COL12A1: variants seen among roughly 807,000 people sequenced by gnomAD.
COL12A1 encodes the protein collagen alpha-1(XII) chain.
Under a neutral mutation model 349.7 loss-of-function variants are expected in COL12A1, and 114 were observed. That is an observed-to-expected ratio of 0.33 (90% CI 0.28 to 0.38). The LOEUF is 0.38. Ranked by LOEUF, COL12A1 falls within the 10% of genes least tolerant of loss-of-function variation. The pLI, the probability that COL12A1 is intolerant of heterozygous loss-of-function variation, is 1.00. For missense variants in COL12A1, 3,284 were observed against 3,756.9 expected (o/e 0.87, Z 3.29); for synonymous variants, 1,369 against 1,329.0 (o/e 1.03, Z -0.66).
intron 37 of COL12A1, among the ~76,000 whole-genome samples, chr6:75,128,841 G>A (rs1221331711): frequency 1.3e-5 from 2 of 152,170 alleles, no homozygotes; most frequent in African/African-American, 2.4e-5. Flanking sequence ...GGCACAGTGG[G>A]ACAGGTATTA....
rs766604557 is a variant in COL12A1 at position 75,085,215 on chromosome 6, G to A, written c.*1332C>T. ...TCACTGCCCGGGTCCGTGGGGCAGG[G>A]CGCGCCGCCAGCGCCGGTGGGGCTC... On this transcript the variant is annotated 3_prime_UTR_variant, in exon 66 of 66. Coordinates refer to ENST00000322507, the MANE Select transcript of COL12A1 (RefSeq NM_004370.6). 6.4e-6 allele frequency: 3 copies of A among 468,438 alleles called. No homozygotes were observed. Among genetic ancestry groups the A allele is most frequent in the Non-Finnish European group, 8.8e-6 (2 of 226,460 alleles). 29.0% of individuals were successfully genotyped at this position (468,438 alleles called of 1,614,324 possible). A position where few individuals can be genotyped will look rare whatever the true frequency, so the allele number is the denominator to read the frequency against.
In COL12A1 at chr6:75,133,351, A is replaced by C. The variant is rs372890352; in HGVS notation, c.5736T>G (p.Thr1912=). 5 of 1,612,954 alleles carry C rather than the reference A, an allele frequency of 3.1e-6. No homozygotes were observed. Among genetic ancestry groups the C allele is most frequent in the Non-Finnish European group, 4.2e-6 (5 of 1,179,430 alleles). ...NLQPDTSYTV[T]VVPVYTEGDG... The stretch of plus-strand genomic sequence containing the variant: ...CACCTTCAGTATAAACGGGAACTAC[A>C]GTCACAGTGTATGAGGTATCTGGCT... Residue 1912 remains threonine (T), a synonymous_variant, in exon 34 of 66, where the codon ACT becomes ACG. Coordinates refer to ENST00000322507, the MANE Select transcript of COL12A1 (RefSeq NM_004370.6).
chr6:75,087,803 G>A (rs2149323175), intron 64 of COL12A1, 56 bp from the exon 65 acceptor site: 5 of 1,562,134 alleles, frequency 3.2e-6, no homozygotes, highest in Non-Finnish European at 3.5e-6. Context: ...AACTCCTGAG[G>A]TAGCCACCAA....
chr6:75,179,275 G>A (rs1769137893), intron 11 of COL12A1, among the ~76,000 whole-genome samples: 1 of 152,152 alleles, frequency 6.6e-6, no homozygotes, highest in Admixed American at 6.5e-5. Flanking sequence ...AAAAACTAGA[G>A]TGTGTATGAA....
At chr6:75,114,952 G>A (rs2149360235) in intron 49 of COL12A1, among the ~76,000 whole-genome samples, 1 of 152,152 alleles carries the variant, frequency 6.6e-6, no homozygotes, top group South Asian at 2.1e-4. Flanking sequence ...TAAACACTGG[G>A]TATTACAGTT....
chr6:75,131,547 T>C (rs973343697), intron 35 of COL12A1, among the ~76,000 whole-genome samples: 1 of 152,256 alleles, frequency 6.6e-6, no homozygotes, highest in African/African-American at 2.4e-5. Context: ...ATACTATGCT[T>C]ATTGAAATTA....
At chr6:75,159,882 T>C (rs1397873381) in intron 14 of COL12A1, among the ~76,000 whole-genome samples, 1 of 152,076 alleles carries the variant, frequency 6.6e-6, no homozygotes. Context: ...CTTTAAAATG[T>C]TTCAAAATTT....
chr6:75,125,651 C>A (rs1765976608), intron 39 of COL12A1, among the ~76,000 whole-genome samples: 1 of 152,094 alleles, frequency 6.6e-6, no homozygotes, highest in African/African-American at 2.4e-5. Context: ...GAATTTCTAT[C>A]TTGGACCTCA....
At chr6:75,159,703 C>G (rs1163832548) in intron 14 of COL12A1, among the ~76,000 whole-genome samples, 1 of 151,498 alleles carries the variant, frequency 6.6e-6, no homozygotes, top group Admixed American at 6.6e-5. Context: ...CATTCTCTCT[C>G]TTACAAAATT....
Position 75,138,530 on chromosome 6 carries a change from G to A in COL12A1, c.5148C>T (p.Pro1716=). 1 of 1,613,986 alleles carries A rather than the reference G, an allele frequency of 6.2e-7. No homozygotes were observed. The stretch of plus-strand genomic sequence containing the variant: ...TAATGGAAACTTCATAGATGGTGTT[G>A]GGGTTCAGGTTTTCGAACACCAAAG... ...ENTLVFENLN[P]NTIYEVSITA... The change falls in exon 29 of 66, where the codon CCC becomes CCT. Residue 1716 remains proline, a synonymous_variant. Coordinates refer to ENST00000322507, the MANE Select transcript of COL12A1 (RefSeq NM_004370.6).
Position 75,170,822 on chromosome 6 carries a change from A to G in COL12A1, c.2710+4216T>C, listed in dbSNP as rs567326352. Among the ~76,000 whole-genome samples the G allele has an allele frequency of 2.0e-5, 3 of 152,306 alleles. No homozygotes were observed. In the East Asian group the frequency reaches 5.8e-4, roughly 29 times the overall value. Reference sequence around the variant, plus strand: ...GCCCATGTTACTCAACATCATGCAGAATTCCTGAGATGTGCTAAAAACCTC... The same window carrying G: ...GCCCATGTTACTCAACATCATGCAGGATTCCTGAGATGTGCTAAAAACCTC... On this transcript the variant is annotated intron_variant, in intron 13 of 65. Transcript: ENST00000322507.
intron 60 of COL12A1, among the ~76,000 whole-genome samples, chr6:75,094,877 T>G (rs1374686250): frequency 6.6e-6 from 1 of 152,212 alleles, no homozygotes; most frequent in Admixed American, 6.5e-5. Flanking sequence ...AATCCCATTC[T>G]CCTTTTAAAG....
chr6:75,198,908 A>G (rs1420712917), intron 2 of COL12A1, among the ~76,000 whole-genome samples: 1 of 152,222 alleles, frequency 6.6e-6, no homozygotes, highest in Admixed American at 6.5e-5. Flanking sequence ...AATAGGAGAA[A>G]TCTTGACAAG....
intron 4 of COL12A1, 46 bp downstream of exon 4, chr6:75,192,166 G>T (rs1769964113): frequency 7.2e-7 from 1 of 1,389,220 alleles, no homozygotes; most frequent in African/African-American, 1.5e-5. Flanking sequence ...AAAACCTTCT[G>T]CAAAATAAAA....
Position 75,134,800 on chromosome 6 carries a change from G to GTGTCTGGCTTCAGTTTC in COL12A1, c.5433_5449dup (p.Thr1817ArgfsTer3). 1 of 1,613,482 alleles carries GTGTCTGGCTTCAGTTTC rather than the reference G, an allele frequency of 6.2e-7. No individual in the cohort carries two copies. The highest frequency in any genetic ancestry group is 8.5e-7 in the Non-Finnish European group (1 of 1,179,574). On this transcript the variant is annotated stop_gained and frameshift_variant, in exon 32 of 66. Transcript: ENST00000322507. LOFTEE classifies it high-confidence loss of function. ...AGAGGATACGGTGATAGTGTAAGGAGTGTCTGGCTTCAGTTTCTGCAGGAC... is the reference window on the plus strand; with the variant it reads ...AGAGGATACGGTGATAGTGTAAGGAGTGTCTGGCTTCAGTTTCTGTCTGGCTTCAGTTTCTGCAGGAC...
At chr6:75,131,540 C>G (rs562608559) in intron 35 of COL12A1, among the ~76,000 whole-genome samples, 1 of 152,194 alleles carries the variant, frequency 6.6e-6, no homozygotes, top group Non-Finnish European at 1.5e-5. Flanking sequence ...TATTCTGATA[C>G]TATGCTTATT....
intron 52 of COL12A1, among the ~76,000 whole-genome samples, chr6:75,108,134 C>T (rs1768658178): frequency 6.6e-6 from 1 of 152,128 alleles, no homozygotes; most frequent in Non-Finnish European, 1.5e-5. Context: ...GGCTGGAGTG[C>T]AGTGATGCCA....
chr6:75,135,594 T>C (rs1766566895), intron 31 of COL12A1, among the ~76,000 whole-genome samples: 1 of 152,188 alleles, frequency 6.6e-6, no homozygotes, highest in South Asian at 2.1e-4. Context: ...TCATACTAAT[T>C]AAAATCGCAT....
At chr6:75,138,772 A>C (rs1245181468) in intron 28 of COL12A1, 50 bp downstream of exon 28, 1 of 1,607,274 alleles carries the variant, frequency 6.2e-7, no homozygotes, top group Admixed American at 1.7e-5. Flanking sequence ...CTTCCCTACA[A>C]ATTAAATGGG....
Sources: gnomAD v4.1 joint callset for allele counts (sites outside exome capture counted in the v4.1 genomes callset) on GRCh38, gnomAD v4.1.1 for gene constraint, MANE v1.5 for transcripts, NCBI Gene and HGNC (gene_info 2026-07-23, HGNC 2026-07-21) for gene names.